Variants in TRPS1 observed in about 807,000 individuals in gnomAD.
TRPS1 encodes the protein zinc finger transcription factor Trps1.
In TRPS1, 6 loss-of-function variants were observed where a neutral mutation model predicts 101.2. That is an observed-to-expected ratio of 0.06 (90% CI 0.03 to 0.12). The LOEUF (loss-of-function observed/expected upper bound fraction) is 0.12. TRPS1 is among the 10% of genes least tolerant of loss of function. TRPS1 has a pLI of 1.00. For missense variants in TRPS1, 1,363 were observed against 1,567.0 expected (o/e 0.87, Z 2.20); for synonymous variants, 578 against 589.8 (o/e 0.98, Z 0.29).
chr8:115,424,775 C>T (rs570731920), intron 5 of TRPS1, among the ~76,000 whole-genome samples: 11 of 152,288 alleles, frequency 7.2e-5, no homozygotes, highest in Admixed American at 5.2e-4. Flanking sequence ...TAATAATGTC[C>T]TATCAATCAC....
chr8:115,624,283 T>C (rs1818459027), intron 1 of TRPS1, among the ~76,000 whole-genome samples: 2 of 151,970 alleles, frequency 1.3e-5, no homozygotes, highest in African/African-American at 2.4e-5. Flanking sequence ...CTACTATGAA[T>C]TGCCATTTTA....
At chr8:115,448,548 C>G (rs986401158) in intron 5 of TRPS1, among the ~76,000 whole-genome samples, 3 of 152,090 alleles carry the variant, frequency 2.0e-5, no homozygotes, top group African/African-American at 7.2e-5. Flanking sequence ...GTCAAAAACG[C>G]AGGCCACAGA....
rs1207715845 is a variant in TRPS1 at position 115,668,725 on chromosome 8, GAGAGA to G, written c.-307_-303del. On this transcript the variant is annotated 5_prime_UTR_variant, in exon 1 of 7. Transcript: ENST00000395715. ...CCCCACCCTTATTAAAAAAGAGAGAGAGAGAGAGAGAGAGAGAAAGAGAAAGGAAA... is the reference window on the plus strand; with the variant it reads ...CCCCACCCTTATTAAAAAAGAGAGAGGAGAGAGAGAGAAAGAGAAAGGAAA... 1 of 142,268 alleles carries G rather than the reference GAGAGA, an allele frequency of 7.0e-6. No individual in the cohort carries two copies. The highest frequency in any genetic ancestry group is 1.5e-5 in the Non-Finnish European group (1 of 66,100). The allele number at this position is 142,268 out of a possible 1,614,324, so 8.8% of individuals were successfully genotyped here. A position where few individuals can be genotyped will look rare whatever the true frequency, so the allele number is the denominator to read the frequency against.
chr8:115,616,100 G>T lies in TRPS1; in HGVS notation c.966+3032C>A, dbSNP rs545623676. On this transcript the variant is annotated intron_variant, in intron 3 of 6. Coordinates refer to ENST00000395715, the MANE Select transcript of TRPS1 (RefSeq NM_014112.5). ...GCATGCTACCTCAAGGTGTTGGGGG[G>T]AGAATCTGATAAATGCCACACTCAG... is the stretch of plus-strand genomic sequence containing the variant. Among the ~76,000 whole-genome samples, 3 of 152,258 alleles carry T rather than the reference G, an allele frequency of 2.0e-5. No individual in the cohort carries two copies. The East Asian group carries it at 5.8e-4, about 29-fold the overall frequency.
intron 5 of TRPS1, among the ~76,000 whole-genome samples, chr8:115,467,021 T>C (rs800879): frequency 0.32 from 48,777 of 151,978 alleles, 9,296 homozygotes; most frequent in Non-Finnish European, 0.45. Flanking sequence ...TATCCTGTAA[T>C]GGTTGGTACG....
chr8:115,624,800 GT>G (rs1818469305), intron 1 of TRPS1, among the ~76,000 whole-genome samples: 1 of 151,616 alleles, frequency 6.6e-6, no homozygotes, highest in Non-Finnish European at 1.5e-5. Flanking sequence ...ACTATTTAAA[GT>G]GCTTAAATAC....
chr8:115,570,879 T>C (rs2130394949), intron 5 of TRPS1, among the ~76,000 whole-genome samples: 1 of 152,242 alleles, frequency 6.6e-6, no homozygotes, highest in Middle Eastern at 3.4e-3. Flanking sequence ...ACTCAGCATG[T>C]CTGTTCATTA....
intron 5 of TRPS1, among the ~76,000 whole-genome samples, chr8:115,514,104 G>C (rs1293629616): frequency 6.6e-6 from 1 of 151,692 alleles, no homozygotes; most frequent in Non-Finnish European, 1.5e-5. Flanking sequence ...GCCTATTGCA[G>C]GACATATGTG....
chr8:115,616,523 T>TA (rs1241271391), intron 3 of TRPS1, among the ~76,000 whole-genome samples: 2 of 149,872 alleles, frequency 1.3e-5, no homozygotes, highest in Admixed American at 1.3e-4. Flanking sequence ...TGGCTTCTGT[T>TA]ACTTTTTTTT....
intron 4 of TRPS1, among the ~76,000 whole-genome samples, chr8:115,599,325 AT>A (rs1304841995): frequency 3.3e-5 from 5 of 151,218 alleles, no homozygotes; most frequent in South Asian, 4.2e-4. Context: ...GGTGATCTTG[AT>A]TTTTTTTTAA....
chr8:115,530,768 A>ATGTCATT (rs1005339320), intron 5 of TRPS1, among the ~76,000 whole-genome samples: 141 of 152,250 alleles, frequency 9.3e-4, no homozygotes, highest in African/African-American at 3.2e-3. Context: ...TGATGAGTTC[A>ATGTCATT]TGTCCTTTGT....
intron 3 of TRPS1, among the ~76,000 whole-genome samples, chr8:115,607,771 C>T (rs952297421): frequency 2.6e-5 from 4 of 151,838 alleles, no homozygotes; most frequent in Admixed American, 6.6e-5. Flanking sequence ...AAAAAGAACA[C>T]CTAAAAGCTC....
rs549391277 is a variant in TRPS1, at chr8:115,436,628, G to A, written c.2701-18176C>T. On this transcript the variant is annotated intron_variant, in intron 5 of 6. Coordinates refer to ENST00000395715, the MANE Select transcript of TRPS1 (RefSeq NM_014112.5). ...AGATCCTCCTGCCTCAGCTTCCTGA[G>A]TAGCTGGACTATGGGCGTGTACCAC... Among the ~76,000 whole-genome samples, 3 of 152,286 alleles carry A rather than the reference G, an allele frequency of 2.0e-5. No individual in the cohort carries two copies. In the South Asian group the frequency reaches 6.2e-4, roughly 32 times the overall value.
In TRPS1 at chr8:115,619,674, G is replaced by T; in HGVS notation, c.424C>A (p.Gln142Lys). ...GGVCEPLKSP[Q>K]RAEADDPQDM... is the part of the protein sequence containing the mutation. ...TGAGGGTCATCTGCCTCTGCTCTTT[G>T]CGGAGACTTCAAGGGCTCACAGACT... Residue 142 changes from glutamine to lysine, a missense_variant, in exon 3 of 7, where the codon CAA becomes AAA. Physicochemically the swap from Gln to Lys is moderately conservative, Grantham distance 53. Transcript: ENST00000395715. 2 of 1,614,138 alleles carry T rather than the reference G, an allele frequency of 1.2e-6. No homozygotes were observed. Among genetic ancestry groups the T allele is most frequent in the Non-Finnish European group, 1.7e-6 (2 of 1,180,022 alleles).
chr8:115,432,753 G>A lies in TRPS1; in HGVS notation c.2701-14301C>T, dbSNP rs112121055. Among the ~76,000 whole-genome samples, 51 of 152,034 alleles carry A rather than the reference G, an allele frequency of 3.4e-4. 1 individual carries two copies. The highest frequency in any genetic ancestry group is 1.1e-3 in the African/African-American group (46 of 41,542). On this transcript the variant is annotated intron_variant, in intron 5 of 6. Coordinates refer to ENST00000395715, the MANE Select transcript of TRPS1 (RefSeq NM_014112.5). Reference sequence around the variant, plus strand: ...AGGATAAAAAAATAGATTTGTGTAAGTTTACAAATTTCAGAAAATGACCAA... The same window carrying A: ...AGGATAAAAAAATAGATTTGTGTAAATTTACAAATTTCAGAAAATGACCAA...
chr8:115,641,761 T>C (rs1485160327), intron 1 of TRPS1, among the ~76,000 whole-genome samples: 2 of 152,158 alleles, frequency 1.3e-5, no homozygotes, highest in Non-Finnish European at 2.9e-5. Context: ...ATGCCTGTAG[T>C]CTCAGCTACT....
At chr8:115,425,374 C>T (rs2129801879) in intron 5 of TRPS1, among the ~76,000 whole-genome samples, 1 of 152,290 alleles carries the variant, frequency 6.6e-6, no homozygotes, top group East Asian at 1.9e-4. Flanking sequence ...AACCTGTTTA[C>T]CCTGCTTATT....
intron 4 of TRPS1, among the ~76,000 whole-genome samples, chr8:115,595,158 A>G (rs1817759003): frequency 6.6e-6 from 1 of 151,980 alleles, no homozygotes. Context: ...GAAGTGGGGA[A>G]AAGGGAGGTG....
intron 1 of TRPS1, among the ~76,000 whole-genome samples, chr8:115,640,588 C>G (rs541308706): frequency 6.6e-6 from 1 of 152,280 alleles, no homozygotes; most frequent in South Asian, 2.1e-4. Context: ...ACGCATAAAA[C>G]AGCAGGTCTT....
Sources: gnomAD v4.1 joint callset for allele counts (sites outside exome capture counted in the v4.1 genomes callset) on GRCh38, gnomAD v4.1.1 for gene constraint, MANE v1.5 for transcripts, NCBI Gene and HGNC (gene_info 2026-07-23, HGNC 2026-07-21) for gene names.